The following DNASE1 variants were observed in gnomAD, a reference collection of about 807,000 sequenced individuals.
DNASE1 encodes deoxyribonuclease 1, also known as deoxyribonuclease-1.
In DNASE1, 40 loss-of-function variants were observed where a neutral mutation model predicts 33.9. That is an observed-to-expected ratio of 1.18 (90% CI 0.92 to 1.54). The LOEUF (loss-of-function observed/expected upper bound fraction) is 1.54. Among genes scored for constraint, DNASE1 ranks in the 40% most tolerant of loss-of-function variants. DNASE1 has a pLI of 0.00. For synonymous variants in DNASE1, 216 were observed against 160.0 expected (o/e 1.35, Z -2.64); for missense variants, 518 against 372.6 (o/e 1.39, Z -3.21).
intron 1 of DNASE1, among the ~76,000 whole-genome samples, chr16:3,616,526 C>T (rs889931195): frequency 7.9e-6 from 1 of 126,740 alleles, no homozygotes; most frequent in African/African-American, 3.2e-5. Context: ...AAGGCTGAGG[C>T]GGGAGAATCC....
chr16:3,613,272 C>A (rs938208130), intron 1 of DNASE1, among the ~76,000 whole-genome samples: 1 of 152,170 alleles, frequency 6.6e-6, no homozygotes, highest in African/African-American at 2.4e-5. Flanking sequence ...AGCATGTTTT[C>A]AAGATTTCAT....
At chr16:3,656,605 G>A (rs767291168) in intron 4 of DNASE1, 33 bp from the exon 5 acceptor site, 2 of 1,571,346 alleles carry the variant, frequency 1.3e-6, no homozygotes, top group African/African-American at 1.4e-5. Context: ...CTTCCAGCCT[G>A]GGGTCACCTC....
intron 1 of DNASE1, among the ~76,000 whole-genome samples, chr16:3,621,752 GA>G (rs2041321594): frequency 6.6e-6 from 1 of 152,184 alleles, no homozygotes; most frequent in Admixed American, 6.5e-5. Flanking sequence ...AGGGACATTA[GA>G]TGGCTTTCAT....
chr16:3,662,038 G>C (rs753559223), downstream of DNASE1: 1 of 1,613,200 alleles, frequency 6.2e-7, no homozygotes. Context: ...CTCCTCCTGG[G>C]TCTTGGCCAG....
At chr16:3,646,458 T>C (rs1322913434) in intron 1 of DNASE1, among the ~76,000 whole-genome samples, 1 of 151,908 alleles carries the variant, frequency 6.6e-6, no homozygotes. Context: ...AAATGAGTCA[T>C]ATGGGCCGGC....
chr16:3,614,211 G>C (rs771707432), intron 1 of DNASE1, among the ~76,000 whole-genome samples: 2 of 150,188 alleles, frequency 1.3e-5, no homozygotes, highest in African/African-American at 4.9e-5. Flanking sequence ...CGCGCCCGGC[G>C]TAATTTTTTG....
chr16:3,627,755 C>T (rs935029732), intron 1 of DNASE1, among the ~76,000 whole-genome samples: 8 of 152,112 alleles, frequency 5.3e-5, no homozygotes, highest in Non-Finnish European at 1.2e-4. Flanking sequence ...CAACTCTATT[C>T]CAATAGTCTG....
exon 10 of DNASE1, chr16:3,663,099 T>C (rs1404384071): frequency 6.7e-6 from 5 of 746,768 alleles, no homozygotes; most frequent in Non-Finnish European, 1.1e-5. Flanking sequence ...GCAAGATGCT[T>C]TTCATCTAAA....
At chr16:3,628,390 CT>C (rs201068930) in intron 1 of DNASE1, among the ~76,000 whole-genome samples, 1 of 152,056 alleles carries the variant, frequency 6.6e-6, no homozygotes, top group East Asian at 1.9e-4. Context: ...ATTAATTTTA[CT>C]TTTTTCTTTC....
In DNASE1 at chr16:3,657,089, T is replaced by C; in HGVS notation, c.527T>C (p.Val176Ala). 6.2e-7 allele frequency: 1 copy of C among 1,614,054 alleles called. No individual in the cohort carries two copies. The highest frequency in any genetic ancestry group is 8.5e-7 in the Non-Finnish European group (1 of 1,180,010). Reference protein sequence around the residue: ...IDALYDVYLDVQEKWGLEDVM... With the variant: ...IDALYDVYLDAQEKWGLEDVM... ...GCTCTCTATGACGTCTACCTGGATG[T>C]CCAAGAGAAATGGGGCTTGGAGGTG... Residue 176 changes from valine (V) to alanine (A), a missense_variant, in exon 6 of 9, where the codon GTC becomes GCC. By Grantham distance (64) the Val-to-Ala change is moderately conservative (BLOSUM62 0). Transcript: ENST00000246949.
At chr16:3,663,049 GCTCCCACCTCCT>G (rs2151241080), downstream of DNASE1, 1 of 1,075,778 alleles carries the variant, frequency 9.3e-7, no homozygotes, top group East Asian at 2.6e-5. Context: ...CATGCTTCCA[GCTCCCACCTCCT>G]CTCCCACCAG....
chr16:3,656,337 G>T, intron 4 of DNASE1, 152 bp downstream of exon 4: 2 of 837,408 alleles, frequency 2.4e-6, no homozygotes, highest in Non-Finnish European at 3.9e-6. Context: ...CCAAGGTCCC[G>T]GACCAATGGG....
In DNASE1 at chr16:3,621,671, A is replaced by C. The variant is rs574750918; in HGVS notation, c.-1359+9665A>C. 2.9e-4 allele frequency among the ~76,000 whole-genome samples: 44 copies of C among 152,324 alleles called. 1 individual carries two copies. In the South Asian group the frequency reaches 8.7e-3, roughly 30 times the overall value. On this transcript the variant is annotated intron_variant and NMD_transcript_variant, in intron 1 of 11. Transcript: ENST00000570769. ...ATTTTTCCTTATTACATATAAATCT[A>C]TCATTTTGTTTAGCAGTTGCATTAT...
At chr16:3,659,749 T>TTAGATAGATAGATAGA (rs3068078), downstream of DNASE1, 2 of 140,244 alleles carry the variant, frequency 1.4e-5, no homozygotes, top group African/African-American at 5.1e-5. Context: ...ACTTTTTTTT[T>TTAGATAGATAGATAGA]TAGATAGATA....
intron 1 of DNASE1, among the ~76,000 whole-genome samples, chr16:3,633,727 A>G (rs1290019047): frequency 1.3e-5 from 2 of 152,136 alleles, no homozygotes; most frequent in Non-Finnish European, 2.9e-5. Context: ...GTTCCCTCTA[A>G]CAGAGTATTC....
chr16:3,625,360 T>G (rs1446289398), intron 1 of DNASE1, among the ~76,000 whole-genome samples: 1 of 151,760 alleles, frequency 6.6e-6, no homozygotes, highest in East Asian at 1.9e-4. Context: ...GTTATATTCT[T>G]GTAGTCTCTG....
intron 1 of DNASE1, among the ~76,000 whole-genome samples, chr16:3,637,442 C>T (rs1041617454): frequency 2.6e-5 from 4 of 152,132 alleles, no homozygotes; most frequent in African/African-American, 9.7e-5. Flanking sequence ...GTGCCCCTGG[C>T]CTGTGACTTT....
At chr16:3,617,866 G>A (rs1337556918) in intron 1 of DNASE1, among the ~76,000 whole-genome samples, 1 of 151,330 alleles carries the variant, frequency 6.6e-6, no homozygotes, top group Non-Finnish European at 1.5e-5. Flanking sequence ...GCCTTCACCA[G>A]ACAGAGTCTG....
chr16:3,631,478 T>G (rs532878584), intron 1 of DNASE1, among the ~76,000 whole-genome samples: 7 of 152,018 alleles, frequency 4.6e-5, no homozygotes, highest in African/African-American at 1.7e-4. Flanking sequence ...GTGCTGAGAT[T>G]ACAGGTGTGA....
Sources: allele counts gnomAD v4.1 joint callset (sites outside exome capture counted in the v4.1 genomes callset), GRCh38; gene constraint gnomAD v4.1.1; transcripts MANE v1.5; gene names NCBI Gene and HGNC (gene_info 2026-07-23, HGNC 2026-07-21).